Variants in NBR1 observed in about 807,000 individuals in gnomAD.
NBR1 encodes NBR1 autophagy cargo receptor.
NBR1 carries 59 observed loss-of-function variants against 115.5 expected under a neutral mutation model. The ratio of observed to expected loss-of-function variants is 0.51; its 90% confidence interval spans 0.41 to 0.63. The LOEUF (loss-of-function observed/expected upper bound fraction) is 0.63. Ranked by LOEUF, NBR1 falls within the 30% of genes least tolerant of loss-of-function variation. The pLI, the probability that NBR1 is intolerant of heterozygous loss-of-function variation, is 0.00. For synonymous variants in NBR1, 373 were observed against 414.7 expected (o/e 0.90, Z 1.22); for missense variants, 1,043 against 1,150.5 (o/e 0.91, Z 1.35).
chr17:43,186,212 C>T (rs1390142561), intron 5 of NBR1, 38 bp from the exon 6 acceptor site: 7 of 1,500,374 alleles, frequency 4.7e-6, no homozygotes, highest in Admixed American at 2.2e-5. Context: ...AGAAGATAAT[C>T]ACGTCGCATG....
intron 3 of NBR1, 61 bp downstream of exon 3, chr17:43,178,059 G>A (rs2056567335): frequency 2.6e-6 from 4 of 1,523,164 alleles, no homozygotes; most frequent in Non-Finnish European, 3.6e-6. Flanking sequence ...TTTCTCCAGT[G>A]ATATGGGCTT....
rs2057393300 is a variant in NBR1, at chr17:43,210,158, T to A, written c.*84T>A. 4 of 1,337,312 alleles carry A rather than the reference T, an allele frequency of 3.0e-6. No homozygotes were observed. In the South Asian group the frequency reaches 6.0e-5, roughly 20 times the overall value. The allele number at this position is 1,337,312 out of a possible 1,614,324, so 82.8% of individuals were successfully genotyped here. ...TGGGGTATGGGATAGAAGCCCTTGC[T>A]TATTTTTAATCTGATGAATCTGTAT... On this transcript the variant is annotated 3_prime_UTR_variant, in exon 21 of 21. Coordinates refer to ENST00000590996, the MANE Select transcript of NBR1 (RefSeq NM_005899.5).
chr17:43,200,016 A>G (rs1019761103), intron 16 of NBR1, 151 bp from the exon 17 acceptor site: 38 of 641,342 alleles, frequency 5.9e-5, no homozygotes, highest in East Asian at 5.5e-5. Context: ...GAATATGGTC[A>G]TAGTTCCAGA....
intron 20 of NBR1, chr17:43,209,592 C>CA (rs955525284): frequency 6.5e-6 from 10 of 1,535,250 alleles, no homozygotes; most frequent in South Asian, 3.6e-5. Flanking sequence ...TTCATCTGGC[C>CA]AAAAAATGCT....
At chr17:43,178,520 G>T (rs2056583267) in intron 3 of NBR1, among the ~76,000 whole-genome samples, 1 of 150,838 alleles carries the variant, frequency 6.6e-6, no homozygotes, top group East Asian at 2.0e-4. Flanking sequence ...GGGATTACAG[G>T]TGTATACCAC....
chr17:43,172,252 C>T (rs2056393223), intron 1 of NBR1, among the ~76,000 whole-genome samples: 2 of 152,188 alleles, frequency 1.3e-5, no homozygotes, highest in African/African-American at 2.4e-5. Flanking sequence ...ATTAATGCTC[C>T]TGCTGAAAGA....
chr17:43,194,256 G>A, intron 12 of NBR1, 94 bp from the exon 13 acceptor site: 3 of 1,108,686 alleles, frequency 2.7e-6, no homozygotes, highest in Admixed American at 2.4e-5. Context: ...AAATATGGAG[G>A]TACAGCAGCG....
chr17:43,189,411 C>G (rs114122017), intron 7 of NBR1, among the ~76,000 whole-genome samples, 177 bp from the exon 8 acceptor site: 1 of 152,114 alleles, frequency 6.6e-6, no homozygotes. Context: ...TTCTTCGAAC[C>G]AGTTTAGCTG....
intron 5 of NBR1, among the ~76,000 whole-genome samples, chr17:43,182,072 C>G (rs1322293472): frequency 2.0e-5 from 3 of 151,554 alleles, no homozygotes; most frequent in Non-Finnish European, 2.9e-5. Context: ...CCAGGCCAGC[C>G]TTGAACTGCT....
intron 2 of NBR1, among the ~76,000 whole-genome samples, chr17:43,177,477 C>T (rs553697004): frequency 6.6e-6 from 1 of 151,590 alleles, no homozygotes; most frequent in East Asian, 1.9e-4. Context: ...TGTAGCAGCA[C>T]ACAGAAATAC....
chr17:43,174,646 G>A (rs1350256071), intron 1 of NBR1, among the ~76,000 whole-genome samples: 1 of 151,830 alleles, frequency 6.6e-6, no homozygotes, highest in Non-Finnish European at 1.5e-5. Context: ...TTATAGTTTG[G>A]TTAAAACATT....
chr17:43,174,863 A>G (rs2056466299), intron 1 of NBR1, among the ~76,000 whole-genome samples: 1 of 151,632 alleles, frequency 6.6e-6, no homozygotes, highest in East Asian at 1.9e-4. Flanking sequence ...TGGAAGGCCA[A>G]GGCAGGCAGA....
chr17:43,205,037 G>A (rs1047757842), intron 20 of NBR1, among the ~76,000 whole-genome samples: 2 of 151,936 alleles, frequency 1.3e-5, no homozygotes, highest in Non-Finnish European at 2.9e-5. Flanking sequence ...CAAGTGAGGT[G>A]CATGGATACT....
Position 43,209,417 on chromosome 17 carries a change from T to C in NBR1, c.2728-484T>C. 5.9e-6 allele frequency: 4 copies of C among 678,454 alleles called. No homozygotes were observed. In the Admixed American group the frequency reaches 1.0e-4, roughly 17 times the overall value. The allele number at this position is 678,454 out of a possible 1,614,324, so 42.0% of individuals were successfully genotyped here. On this transcript the variant is annotated intron_variant, in intron 20 of 20. Coordinates refer to ENST00000590996, the MANE Select transcript of NBR1 (RefSeq NM_005899.5). ...TTGGAGGAGAAAAAATCAAGAAGCC[T>C]TCCCAGGTTGTAATTTCCCAAGCTG... is the stretch of plus-strand genomic sequence containing the variant.
chr17:43,195,061 T>C, intron 14 of NBR1, 22 bp downstream of exon 14: 2 of 1,591,634 alleles, frequency 1.3e-6, no homozygotes, highest in South Asian at 2.2e-5. Context: ...ACTCATTTCA[T>C]CTTGTTCGTC....
At chr17:43,199,347 T>C (rs886267741) in intron 16 of NBR1, among the ~76,000 whole-genome samples, 15 of 151,966 alleles carry the variant, frequency 9.9e-5, no homozygotes, top group Non-Finnish European at 2.1e-4. Context: ...CGTGCTGGGA[T>C]TTTAGGCGTA....
Position 43,193,154 on chromosome 17 carries a change from G to A in NBR1, c.1134G>A (p.Glu378=). Residue 378 remains glutamate (E), a synonymous_variant, in exon 11 of 21, where the codon GAG becomes GAA. Coordinates refer to ENST00000590996, the MANE Select transcript of NBR1 (RefSeq NM_005899.5). ...TGCTCAGTGCAGCATTTGTGGATGAGAATTTGCCTGATGGGACTCACCTTC... is the reference window on the plus strand; with the variant it reads ...TGCTCAGTGCAGCATTTGTGGATGAAAATTTGCCTGATGGGACTCACCTTC... ...MPMLSAAFVD[E]NLPDGTHLQP... is the part of the protein sequence containing the mutation. 6.2e-7 allele frequency: 1 copy of A among 1,613,990 alleles called. No individual in the cohort carries two copies. The highest frequency in any genetic ancestry group is 8.5e-7 in the Non-Finnish European group (1 of 1,179,886).
chr17:43,182,374 C>T (rs1184000730), intron 5 of NBR1, among the ~76,000 whole-genome samples: 1 of 151,406 alleles, frequency 6.6e-6, no homozygotes, highest in African/African-American at 2.4e-5. Context: ...TGCGCCACCA[C>T]ACCCAGCTAA....
chr17:43,204,944 C>G (rs1786305068), intron 20 of NBR1, among the ~76,000 whole-genome samples: 1 of 152,044 alleles, frequency 6.6e-6, no homozygotes, highest in African/African-American at 2.4e-5. Flanking sequence ...CCACTGCACT[C>G]CAGCTTGGGT....
Sources: gnomAD v4.1 joint callset for allele counts (sites outside exome capture counted in the v4.1 genomes callset) on GRCh38, gnomAD v4.1.1 for gene constraint, MANE v1.5 for transcripts, NCBI Gene and HGNC (gene_info 2026-07-23, HGNC 2026-07-21) for gene names.